KIAA0825: variants seen among roughly 807,000 people sequenced by gnomAD.
KIAA0825 encodes the protein KIAA0825, also known as uncharacterized protein KIAA0825.
Under a neutral mutation model 147.6 loss-of-function variants are expected in KIAA0825, and 119 were observed. The ratio of observed to expected loss-of-function variants is 0.81; its 90% CI spans 0.69 to 0.94. The LOEUF is 0.94. KIAA0825 is among the 40% of genes least tolerant of loss of function. The pLI, the probability that KIAA0825 is intolerant of heterozygous loss-of-function variation, is 0.00. For synonymous variants in KIAA0825, 470 were observed against 518.1 expected (o/e 0.91, Z 1.26); for missense variants, 1,381 against 1,472.7 (o/e 0.94, Z 1.02).
chr5:94,330,866 A>G (rs1286331871), intron 20 of KIAA0825, among the ~76,000 whole-genome samples: 1 of 152,074 alleles, frequency 6.6e-6, no homozygotes, highest in African/African-American at 2.4e-5. Context: ...CAAGCACTGT[A>G]GGTCACACCT....
intron 20 of KIAA0825, among the ~76,000 whole-genome samples, chr5:94,278,806 T>C (rs1312990329): frequency 6.7e-6 from 1 of 149,170 alleles, no homozygotes; most frequent in Non-Finnish European, 1.5e-5. Context: ...TAAATGATAA[T>C]TCTGTTTTGT....
At position 94,395,848 on chromosome 5, in the gene KIAA0825, A is replaced by G. The variant is rs1584367341; in HGVS notation, c.3296+253T>C. Among the ~76,000 whole-genome samples, 4 of 152,310 alleles carry G rather than the reference A, an allele frequency of 2.6e-5. No homozygotes were observed. The South Asian group carries it at 8.3e-4, about 32-fold the overall frequency. ...GGGTTTAACTACCACCCTTTTAATC[A>G]GAAACCTTAAGATGGTGACTAAACA... On this transcript the variant is annotated intron_variant, in intron 17 of 20. Transcript: ENST00000682413.
chr5:94,563,224 G>C (rs1004495995), intron 2 of KIAA0825, among the ~76,000 whole-genome samples: 20 of 151,950 alleles, frequency 1.3e-4, no homozygotes, highest in Non-Finnish European at 1.0e-4. Flanking sequence ...TGGGCGTGGT[G>C]GTGGGCGCCT....
chr5:94,510,227 T>G (rs1766295240), intron 5 of KIAA0825, among the ~76,000 whole-genome samples: 1 of 152,210 alleles, frequency 6.6e-6, no homozygotes, highest in Non-Finnish European at 1.5e-5. Flanking sequence ...CTAGATGAGC[T>G]CAGTAAGACC....
intron 1 of KIAA0825, chr5:94,593,535 T>C: frequency 1.6e-6 from 1 of 606,108 alleles, no homozygotes; most frequent in Non-Finnish European, 3.1e-6. Context: ...TAAAGTTTTT[T>C]GTAGCATTGG....
intron 5 of KIAA0825, among the ~76,000 whole-genome samples, chr5:94,496,800 G>A (rs963824279): frequency 6.6e-6 from 1 of 152,132 alleles, no homozygotes; most frequent in African/African-American, 2.4e-5. Flanking sequence ...TGGGTTAAAT[G>A]GAGGTTGCCA....
At chr5:94,420,119 A>T (rs1753982952) in intron 14 of KIAA0825, among the ~76,000 whole-genome samples, 1 of 151,990 alleles carries the variant, frequency 6.6e-6, no homozygotes, top group African/African-American at 2.4e-5. Context: ...AATATTGAGA[A>T]GACAAGCAGT....
chr5:94,208,168 A>G (rs185626415), intron 20 of KIAA0825, among the ~76,000 whole-genome samples: 1 of 152,328 alleles, frequency 6.6e-6, no homozygotes, highest in Admixed American at 6.5e-5. Context: ...CATCAAAGCT[A>G]ATAGAGAAAA....
intron 20 of KIAA0825, among the ~76,000 whole-genome samples, chr5:94,205,035 A>G (rs1772028487): frequency 6.6e-6 from 1 of 152,008 alleles, no homozygotes; most frequent in Non-Finnish European, 1.5e-5. Flanking sequence ...AAATTCCTCT[A>G]AATGTAATTT....
At chr5:94,400,373 G>T (rs1751219135) in intron 16 of KIAA0825, among the ~76,000 whole-genome samples, 2 of 152,200 alleles carry the variant, frequency 1.3e-5, no homozygotes, top group South Asian at 4.1e-4. Flanking sequence ...TGGTTCTTAT[G>T]AAACAAATAG....
At chr5:94,494,918 C>T (rs1764179611) in intron 5 of KIAA0825, among the ~76,000 whole-genome samples, 1 of 152,112 alleles carries the variant, frequency 6.6e-6, no homozygotes, top group African/African-American at 2.4e-5. Context: ...AAAAATTTAG[C>T]ACTCAAATAA....
chr5:94,353,546 T>C (rs568175715), intron 20 of KIAA0825, among the ~76,000 whole-genome samples: 1 of 152,284 alleles, frequency 6.6e-6, no homozygotes, highest in East Asian at 1.9e-4. Flanking sequence ...GTTAAAAGCA[T>C]AACTGAAAAT....
intron 20 of KIAA0825, among the ~76,000 whole-genome samples, chr5:94,348,587 G>A (rs1001953798): frequency 6.6e-6 from 1 of 151,998 alleles, no homozygotes; most frequent in East Asian, 1.9e-4. Flanking sequence ...CTAGCACATA[G>A]GACTCACAGA....
At chr5:94,608,118 A>T (rs1787830659) in intron 1 of KIAA0825, among the ~76,000 whole-genome samples, 1 of 151,956 alleles carries the variant, frequency 6.6e-6, no homozygotes, top group Non-Finnish European at 1.5e-5. Flanking sequence ...TCTACGTATT[A>T]GGATGTAGGT....
chr5:94,174,988 T>C (rs1002294235), intron 20 of KIAA0825, among the ~76,000 whole-genome samples: 2 of 152,164 alleles, frequency 1.3e-5, no homozygotes, highest in African/African-American at 2.4e-5. Flanking sequence ...TTTATCTTGA[T>C]AGGCAGTGAA....
intron 2 of KIAA0825, among the ~76,000 whole-genome samples, chr5:94,581,231 G>A (rs533032002): frequency 6.6e-6 from 1 of 152,282 alleles, no homozygotes; most frequent in South Asian, 2.1e-4. Flanking sequence ...AATTTGAACA[G>A]AATTATACCA....
At chr5:94,390,673 C>T in intron 18 of KIAA0825, among the ~76,000 whole-genome samples, 1 of 152,170 alleles carries the variant, frequency 6.6e-6, no homozygotes, top group East Asian at 1.9e-4. Flanking sequence ...GTAACTTTCA[C>T]ATAGCTAATG....
intron 20 of KIAA0825, among the ~76,000 whole-genome samples, chr5:94,275,369 C>T (rs149133732): frequency 6.6e-6 from 1 of 152,110 alleles, no homozygotes; most frequent in African/African-American, 2.4e-5. Context: ...TGCCCTGATA[C>T]AATCTCATTA....
chr5:94,492,934 T>C (rs994746882), intron 5 of KIAA0825, among the ~76,000 whole-genome samples: 6 of 152,258 alleles, frequency 3.9e-5, no homozygotes, highest in African/African-American at 1.2e-4. Context: ...CCATTGCATC[T>C]TTACGGCGTC....
Sources: gnomAD v4.1 joint callset for allele counts (sites outside exome capture counted in the v4.1 genomes callset) on GRCh38, gnomAD v4.1.1 for gene constraint, MANE v1.5 for transcripts, NCBI Gene and HGNC (gene_info 2026-07-23, HGNC 2026-07-21) for gene names.